Variants in MBTPS1 observed in about 807,000 individuals in gnomAD.
MBTPS1 encodes membrane bound transcription factor peptidase, site 1, also known as membrane-bound transcription factor site-1 protease.
MBTPS1 carries 94 observed loss-of-function variants against 127.8 expected under a neutral mutation model. The ratio of observed to expected loss-of-function variants is 0.74; its 90% confidence interval spans 0.62 to 0.87. The LOEUF (loss-of-function observed/expected upper bound fraction) is 0.87, where lower values mean the gene tolerates loss of function less well. Among genes scored for constraint, MBTPS1 ranks in the 40% least tolerant of loss-of-function variants. MBTPS1 has a pLI of 0.00. For synonymous variants in MBTPS1, 632 were observed against 509.4 expected (o/e 1.24, Z -3.24); for missense variants, 1,636 against 1,353.2 (o/e 1.21, Z -3.28).
chr16:84,075,661 G>A (rs185472975), intron 11 of MBTPS1: 6 of 152,292 alleles, frequency 3.9e-5, no homozygotes, highest in African/African-American at 9.6e-5. Flanking sequence ...CAGCAACTAC[G>A]GTATAAGGAG....
chr16:84,112,677 A>G (rs2086415191), intron 1 of MBTPS1, among the ~76,000 whole-genome samples: 1 of 150,394 alleles, frequency 6.6e-6, no homozygotes, highest in South Asian at 2.1e-4. Flanking sequence ...AAACAAAAAA[A>G]AACAAAAAAA....
intron 18 of MBTPS1, among the ~76,000 whole-genome samples, 158 bp downstream of exon 18, chr16:84,065,532 G>A (rs968713963): frequency 2.0e-5 from 3 of 152,236 alleles, no homozygotes; most frequent in Non-Finnish European, 2.9e-5. Context: ...AAAAACCACC[G>A]AATTGTACAC....
At chr16:84,083,935 T>C (rs192088009) in intron 10 of MBTPS1, among the ~76,000 whole-genome samples, 3 of 152,334 alleles carry the variant, frequency 2.0e-5, no homozygotes, top group African/African-American at 7.2e-5. Context: ...ACATCAACTC[T>C]GGTCTACTCG....
chr16:84,100,996 A>T (rs1182498756), intron 2 of MBTPS1, among the ~76,000 whole-genome samples: 5 of 143,746 alleles, frequency 3.5e-5, no homozygotes, highest in African/African-American at 1.4e-4. Context: ...TCTACTAAAA[A>T]TACAAAAAAA....
chr16:84,067,303 G>A (rs936586507), intron 16 of MBTPS1, among the ~76,000 whole-genome samples: 2 of 152,064 alleles, frequency 1.3e-5, no homozygotes, highest in Admixed American at 6.6e-5. Flanking sequence ...CTTACTCTAT[G>A]AGCAACTTTC....
At chr16:84,074,919 T>C in intron 11 of MBTPS1, 178 bp from the exon 12 acceptor site, 1 of 513,586 alleles carries the variant, frequency 1.9e-6, no homozygotes, top group South Asian at 2.7e-5. Flanking sequence ...AGATAAGGCC[T>C]CTGTGCCAGC....
chr16:84,099,077 A>G lies in MBTPS1; in HGVS notation c.397T>C (p.Phe133Leu). Residue 133 changes from phenylalanine (F) to leucine (L), a missense_variant, in exon 3 of 23, where the codon TTT becomes CTT. By Grantham distance (22) the Phe-to-Leu change is conservative (BLOSUM62 0). Coordinates refer to ENST00000343411, the MANE Select transcript of MBTPS1 (RefSeq NM_003791.4). ...IKRVTPQRKV[F>L]RSLKYAESDP... ...CATTCAGCATACTTGAGGGAACGAA[A>G]GACTTTTCGTTGGGGCGTGACCCGT... 1.9e-6 allele frequency: 3 copies of G among 1,614,190 alleles called. No homozygotes were observed. The highest frequency in any genetic ancestry group is 2.5e-6 in the Non-Finnish European group (3 of 1,180,046).
In MBTPS1 at chr16:84,056,060, G is replaced by A. The variant is rs1166181986; in HGVS notation, c.2907C>T (p.Arg969=). The change falls in exon 22 of 23, where the codon CGC becomes CGT. Residue 969 remains arginine (R), a synonymous_variant. Transcript: ENST00000343411. ...KVVLPNFRSN[R]PQVRPLSPGE... Reference sequence around the variant, plus strand: ...CAGGGGACAAGGGCCTCACTTGAGGGCGATTCGATCGAAAGTTGGGTAACA... The same window carrying A: ...CAGGGGACAAGGGCCTCACTTGAGGACGATTCGATCGAAAGTTGGGTAACA... The A allele has an allele frequency of 6.2e-7, 1 of 1,613,960 alleles. No individual in the cohort carries two copies. Among genetic ancestry groups the A allele is most frequent in the Non-Finnish European group, 8.5e-7 (1 of 1,179,994 alleles).
chr16:84,085,093 G>A lies in MBTPS1; in HGVS notation c.1176C>T (p.Val392=), dbSNP rs1182440988. ...AACCCCGCACGCCAGCACCATAGGT[G>A]ACAATGTCAGGTTTCATGCGACCGT... ...GGYGRMKPDI[V]TYGAGVRGSG... The change falls in exon 10 of 23, where the codon GTC becomes GTT. Residue 392 remains valine, a synonymous_variant. Coordinates refer to ENST00000343411, the MANE Select transcript of MBTPS1 (RefSeq NM_003791.4). The A allele has an allele frequency of 6.2e-7, 1 of 1,614,216 alleles. No individual in the cohort carries two copies. Among genetic ancestry groups the A allele is most frequent in the East Asian group, 2.2e-5 (1 of 44,882 alleles).
At chr16:84,109,934 A>G (rs2086376396) in intron 1 of MBTPS1, among the ~76,000 whole-genome samples, 1 of 152,210 alleles carries the variant, frequency 6.6e-6, no homozygotes, top group Non-Finnish European at 1.5e-5. Flanking sequence ...GGGATAATGG[A>G]GTATCAGGTC....
chr16:84,101,911 C>G lies in MBTPS1; in HGVS notation c.-128G>C. 3 of 824,344 alleles carry G rather than the reference C, an allele frequency of 3.6e-6. No homozygotes were observed. In the African/African-American group the frequency reaches 5.2e-5, roughly 14 times the overall value. 51.1% of individuals were successfully genotyped at this position (824,344 alleles called of 1,614,324 possible). A position where few individuals can be genotyped will look rare whatever the true frequency, so the allele number is the denominator to read the frequency against. ...CTAATCAGCCATCTTACAGTCTTGC[C>G]CAACATAAATAAAAGTTAAATCCCA... is the stretch of plus-strand genomic sequence containing the variant. On this transcript the variant is annotated 5_prime_UTR_variant, in exon 2 of 23. Transcript: ENST00000343411.
chr16:84,079,541 T>C (rs1430494877), intron 11 of MBTPS1, among the ~76,000 whole-genome samples: 1 of 152,140 alleles, frequency 6.6e-6, no homozygotes, highest in Non-Finnish European at 1.5e-5. Context: ...CTGTCACAAA[T>C]ACTATATTCA....
intron 12 of MBTPS1, among the ~76,000 whole-genome samples, chr16:84,071,651 G>A (rs992061136): frequency 6.6e-6 from 1 of 151,784 alleles, no homozygotes; most frequent in Non-Finnish European, 1.5e-5. Context: ...AAAATAAAAT[G>A]GAAATTTTAT....
chr16:84,079,202 CT>C (rs1198662305), intron 11 of MBTPS1, among the ~76,000 whole-genome samples: 1 of 152,208 alleles, frequency 6.6e-6, no homozygotes, highest in Non-Finnish European at 1.5e-5. Context: ...TCCCTGAGGC[CT>C]CCCCAGAAGC....
chr16:84,089,694 C>T (rs1041063115), intron 8 of MBTPS1, among the ~76,000 whole-genome samples: 6 of 152,138 alleles, frequency 3.9e-5, no homozygotes, highest in African/African-American at 1.4e-4. Flanking sequence ...GTGCCTCAGC[C>T]GTAAGTGGCA....
At position 84,107,986 on chromosome 16, in the gene MBTPS1, A is replaced by G. The variant is rs555303828; in HGVS notation, c.-324-5879T>C. ...CTCTCAGAGTGTTGGGATTATAGGC[A>G]TGAGCCACTGTGTCTGGCCTGGGCC... On this transcript the variant is annotated intron_variant, in intron 1 of 22. Transcript: ENST00000343411. 3.2e-4 allele frequency among the ~76,000 whole-genome samples: 48 copies of G among 150,344 alleles called. 1 individual carries two copies. Among genetic ancestry groups the G allele is most frequent in the African/African-American group, 1.1e-3 (43 of 40,838 alleles).
At chr16:84,096,088 G>C (rs997243662) in intron 3 of MBTPS1, among the ~76,000 whole-genome samples, 5 of 152,044 alleles carry the variant, frequency 3.3e-5, no homozygotes, top group African/African-American at 4.8e-5. Flanking sequence ...ATTTTAAAAA[G>C]CTAATTGTGA....
chr16:84,077,249 A>AAGAGAG (rs1555510713), intron 11 of MBTPS1, among the ~76,000 whole-genome samples: 6,515 of 137,874 alleles, frequency 0.047, 153 homozygotes, highest in Non-Finnish European at 0.065. Context: ...AAAAAAAAAA[A>AAGAGAG]AGAGAGAGAG....
chr16:84,055,931 T>C, intron 22 of MBTPS1, 74 bp downstream of exon 22: 1 of 1,528,484 alleles, frequency 6.5e-7, no homozygotes, highest in Admixed American at 1.8e-5. Flanking sequence ...GCCCGCCTCC[T>C]GGGGAGGGAG....
Sources: allele counts gnomAD v4.1 joint callset (sites outside exome capture counted in the v4.1 genomes callset), GRCh38; gene constraint gnomAD v4.1.1; transcripts MANE v1.5; gene names NCBI Gene and HGNC (gene_info 2026-07-23, HGNC 2026-07-21).